GOLGA1: variants seen among roughly 807,000 people sequenced by gnomAD.
GOLGA1 encodes golgin A1.
GOLGA1 carries 63 observed loss-of-function variants against 119.7 expected under a neutral mutation model. The observed-to-expected ratio is 0.53, with a 90% CI of 0.43 to 0.65. The LOEUF is 0.65. GOLGA1 is among the 30% of genes least tolerant of loss of function. The probability of loss-of-function intolerance (pLI) is 0.00; values close to 1 mark genes in which losing one functional copy is unlikely to be tolerated. For synonymous variants in GOLGA1, 318 were observed against 333.4 expected (o/e 0.95, Z 0.50); for missense variants, 798 against 912.8 (o/e 0.87, Z 1.62).
intron 12 of GOLGA1, among the ~76,000 whole-genome samples, chr9:124,906,911 T>C (rs1284417907): frequency 6.6e-6 from 1 of 152,070 alleles, no homozygotes; most frequent in African/African-American, 2.4e-5. Flanking sequence ...ATTTACATTG[T>C]TAGAAGGAAT....
At chr9:124,933,550 G>T (rs1830810629) in intron 3 of GOLGA1, among the ~76,000 whole-genome samples, 1 of 152,084 alleles carries the variant, frequency 6.6e-6, no homozygotes, top group South Asian at 2.1e-4. Flanking sequence ...GAGTAGCTGG[G>T]ACTACAGGTG....
upstream of GOLGA1, among the ~76,000 whole-genome samples, chr9:124,941,910 G>A (rs1372760078): frequency 6.6e-6 from 1 of 151,872 alleles, no homozygotes; most frequent in Non-Finnish European, 1.5e-5. Context: ...GCGAGACTCC[G>A]TCTCTTTAAA....
chr9:124,921,016 T>G (rs991140052), intron 10 of GOLGA1, 113 bp downstream of exon 10: 7 of 710,138 alleles, frequency 9.9e-6, no homozygotes, highest in Non-Finnish European at 1.8e-5. Context: ...AATGGAGCCA[T>G]GTGGACTGCA....
At chr9:124,941,695 T>C (rs1472511725), upstream of GOLGA1, among the ~76,000 whole-genome samples, 1 of 152,244 alleles carries the variant, frequency 6.6e-6, no homozygotes, top group Non-Finnish European at 1.5e-5. Context: ...GTTCTTACTA[T>C]GTAATGCACT....
At chr9:124,945,370 AC>A (rs1230044375), upstream of GOLGA1, 2 of 152,142 alleles carry the variant, frequency 1.3e-5, no homozygotes, top group Non-Finnish European at 2.9e-5. Context: ...AACCTGGCCA[AC>A]ATGGTGAAAC....
At chr9:124,927,913 G>A (rs1375137355) in intron 6 of GOLGA1, among the ~76,000 whole-genome samples, 1 of 152,144 alleles carries the variant, frequency 6.6e-6, no homozygotes, top group East Asian at 1.9e-4. Context: ...TTTGGGGCCT[G>A]CCATCAGATT....
At chr9:124,901,946 G>A (rs889943366) in intron 12 of GOLGA1, among the ~76,000 whole-genome samples, 1 of 152,190 alleles carries the variant, frequency 6.6e-6, no homozygotes, top group Non-Finnish European at 1.5e-5. Context: ...GGCCAGTGCC[G>A]TGAGTGGGAC....
intron 15 of GOLGA1, among the ~76,000 whole-genome samples, chr9:124,894,022 C>T (rs1325722265): frequency 2.6e-5 from 4 of 152,216 alleles, no homozygotes; most frequent in Admixed American, 1.3e-4. Flanking sequence ...TACGACTCTA[C>T]GGTGACTATT....
At chr9:124,895,705 CAG>C (rs1829966610) in intron 15 of GOLGA1, among the ~76,000 whole-genome samples, 1 of 139,854 alleles carries the variant, frequency 7.2e-6, no homozygotes, top group Non-Finnish European at 1.5e-5. Flanking sequence ...CTCCACAACA[CAG>C]AACCCTCCAC....
Position 124,880,490 on chromosome 9 carries a change from A to G in GOLGA1, c.*40T>C, listed in dbSNP as rs765090967. The G allele has an allele frequency of 1.3e-5, 14 of 1,118,796 alleles. No individual in the cohort carries two copies. The highest frequency in any genetic ancestry group is 4.1e-6 in the Non-Finnish European group (3 of 728,378). 69.3% of individuals were successfully genotyped at this position (1,118,796 alleles called of 1,614,324 possible). On this transcript the variant is annotated 3_prime_UTR_variant, in exon 23 of 23. Coordinates refer to ENST00000373555, the MANE Select transcript of GOLGA1 (RefSeq NM_002077.4). Reference sequence around the variant, plus strand: ...TGTGTCAGTGTTCTTTTCACAGAAAAAGTGTCAACCCACGGAGCTCCATCC... The same window carrying G: ...TGTGTCAGTGTTCTTTTCACAGAAAGAGTGTCAACCCACGGAGCTCCATCC...
intron 10 of GOLGA1, among the ~76,000 whole-genome samples, chr9:124,916,378 A>C (rs1466900263): frequency 6.6e-6 from 1 of 152,100 alleles, no homozygotes; most frequent in Non-Finnish European, 1.5e-5. Context: ...TGGTAAGAAT[A>C]AACTAGAAAA....
chr9:124,888,901 G>A lies in GOLGA1; in HGVS notation c.1761+242C>T, dbSNP rs1310434091. On this transcript the variant is annotated intron_variant, in intron 18 of 22. Coordinates refer to ENST00000373555, the MANE Select transcript of GOLGA1 (RefSeq NM_002077.4). The surrounding 1 kb of genome is among the most constrained non-coding windows in gnomAD (Gnocchi z 4.4). ...TTTTTAGTAGAGACTGGGTTTCACC[G>A]TGTTAGCCAGGATGGTCTCGATCTC... 5.3e-5 allele frequency among the ~76,000 whole-genome samples: 8 copies of A among 152,224 alleles called. 1 individual carries two copies. In the South Asian group the frequency reaches 1.2e-3, roughly 24 times the overall value.
At chr9:124,905,571 C>T (rs917982008) in intron 12 of GOLGA1, among the ~76,000 whole-genome samples, 10 of 152,192 alleles carry the variant, frequency 6.6e-5, no homozygotes, top group African/African-American at 2.4e-4. Flanking sequence ...AAGATTCCCA[C>T]TAACCCTTTT....
intron 15 of GOLGA1, among the ~76,000 whole-genome samples, chr9:124,894,010 CCTACGACT>C (rs1296002272): frequency 1.3e-5 from 2 of 152,180 alleles, no homozygotes; most frequent in African/African-American, 4.8e-5. Context: ...AACCATATTC[CCTACGACT>C]CTACGGTGAC....
chr9:124,919,643 A>G (rs945313168), intron 10 of GOLGA1, among the ~76,000 whole-genome samples: 13 of 152,220 alleles, frequency 8.5e-5, no homozygotes, highest in African/African-American at 2.9e-4. Flanking sequence ...TAAGACCTCT[A>G]TTGACAAAAT....
Position 124,880,564 on chromosome 9 carries a change from G to A in GOLGA1, c.2270C>T (p.Pro757Leu), listed in dbSNP as rs1347866028. 5 of 1,610,158 alleles carry A rather than the reference G, an allele frequency of 3.1e-6. No homozygotes were observed. Among genetic ancestry groups the A allele is most frequent in the Admixed American group, 1.7e-5 (1 of 59,982 alleles). Residue 757 changes from proline to leucine, a missense_variant, in exon 23 of 23, where the codon CCG (proline) becomes CTG (leucine). Pro to Leu is a moderately conservative substitution (Grantham distance 98). Coordinates refer to ENST00000373555, the MANE Select transcript of GOLGA1 (RefSeq NM_002077.4). The stretch of plus-strand genomic sequence containing the variant: ...TGGTATCCGAGGGTTTGAGATAGAC[G>A]GCCGGATGCTGCCCTTGGGAGCTGG... The part of the protein sequence containing the change: ...SKPAPKGSIR[P>L]SISNPRIPWS
intron 12 of GOLGA1, among the ~76,000 whole-genome samples, chr9:124,907,978 A>G (rs1830266285): frequency 6.6e-6 from 1 of 152,224 alleles, no homozygotes; most frequent in Non-Finnish European, 1.5e-5. Context: ...CCACATAGAT[A>G]ACTACAAAGT....
chr9:124,924,952 T>C (rs1588091125), intron 7 of GOLGA1, among the ~76,000 whole-genome samples: 2 of 151,884 alleles, frequency 1.3e-5, no homozygotes, highest in African/African-American at 2.4e-5. Context: ...TGGTGGCGGG[T>C]GCCTGTAGTC....
intron 7 of GOLGA1, 60 bp from the exon 8 acceptor site, chr9:124,923,283 A>G: frequency 2.2e-6 from 3 of 1,383,362 alleles, no homozygotes; most frequent in South Asian, 1.3e-5. Context: ...CTGTATTACG[A>G]AAGTGAAAAT....
Sources: allele counts gnomAD v4.1 joint callset (sites outside exome capture counted in the v4.1 genomes callset), GRCh38; gene constraint gnomAD v4.1.1; non-coding constraint Gnocchi (gnomAD v3.1); transcripts MANE v1.5; gene names NCBI Gene and HGNC (gene_info 2026-07-23, HGNC 2026-07-21).